BICRAL: variants seen among roughly 807,000 people sequenced by gnomAD.
BICRAL encodes the protein BICRA like chromatin remodeling complex associated protein, also known as BRD4-interacting chromatin-remodeling complex-associated protein-like.
Under a neutral mutation model 91.8 loss-of-function variants are expected in BICRAL, and 8 were observed. That is an observed-to-expected ratio of 0.09 (90% CI 0.05 to 0.16). The LOEUF is 0.16. Among genes scored for constraint, BICRAL ranks in the 10% least tolerant of loss-of-function variants. The pLI is 1.00. For synonymous variants in BICRAL, 445 were observed against 491.1 expected (o/e 0.91, Z 1.24); for missense variants, 1,038 against 1,310.9 (o/e 0.79, Z 3.21).
chr6:42,760,209 G>A (rs1296199987), intron 1 of BICRAL, among the ~76,000 whole-genome samples: 1 of 151,784 alleles, frequency 6.6e-6, no homozygotes, highest in Non-Finnish European at 1.5e-5. Flanking sequence ...GCGGTGAGCT[G>A]AGATTGCACC....
chr6:42,847,877 C>T (rs1765064986), intron 6 of BICRAL, among the ~76,000 whole-genome samples: 1 of 152,110 alleles, frequency 6.6e-6, no homozygotes, highest in African/African-American at 2.4e-5. Flanking sequence ...CGCCTGTAAT[C>T]CCAGCACTTT....
chr6:42,820,456 C>T (rs931215941), intron 2 of BICRAL, among the ~76,000 whole-genome samples: 4 of 152,088 alleles, frequency 2.6e-5, no homozygotes, highest in African/African-American at 9.7e-5. Flanking sequence ...TGCTGATGAG[C>T]CATGGTTAAT....
At chr6:42,784,440 A>G (rs1005380024) in intron 1 of BICRAL, among the ~76,000 whole-genome samples, 1 of 152,222 alleles carries the variant, frequency 6.6e-6, no homozygotes, top group African/African-American at 2.4e-5. Context: ...CCGTGGTGCC[A>G]GTAGGTGTGT....
chr6:42,781,357 G>C (rs1199346214), upstream of BICRAL, among the ~76,000 whole-genome samples: 2 of 152,134 alleles, frequency 1.3e-5, no homozygotes, highest in Non-Finnish European at 2.9e-5. Context: ...AAGGTTTCAA[G>C]AATTTTGGAA....
chr6:42,758,247 G>A (rs972254711), intron 1 of BICRAL, among the ~76,000 whole-genome samples: 2 of 152,016 alleles, frequency 1.3e-5, no homozygotes, highest in Non-Finnish European at 2.9e-5. Context: ...TCTCTATACC[G>A]TAGCCAGTTA....
chr6:42,862,240 A>G (rs1765574759), intron 11 of BICRAL, among the ~76,000 whole-genome samples: 1 of 151,924 alleles, frequency 6.6e-6, no homozygotes, highest in Non-Finnish European at 1.5e-5. Context: ...ATTTCTTTAT[A>G]TATAAATATA....
chr6:42,769,250 C>T (rs1762684499), intron 1 of BICRAL, among the ~76,000 whole-genome samples: 1 of 152,186 alleles, frequency 6.6e-6, no homozygotes, highest in South Asian at 2.1e-4. Flanking sequence ...GGTCTGGCTA[C>T]CAGCAGGATG....
chr6:42,792,123 C>A (rs1356204103), intron 1 of BICRAL, among the ~76,000 whole-genome samples: 1 of 152,160 alleles, frequency 6.6e-6, no homozygotes, highest in African/African-American at 2.4e-5. Flanking sequence ...CTGGGTGAGT[C>A]AGTGAGTGGT....
chr6:42,867,146 C>T lies in BICRAL; in HGVS notation c.*1700C>T, dbSNP rs1433752306. ...TGACCCCCATTGTCATCATGTTGGG[C>T]ATTTCTTTTCCAGATTGGCCTGTGA... is the stretch of plus-strand genomic sequence containing the variant. On this transcript the variant is annotated 3_prime_UTR_variant, in exon 13 of 13. Coordinates refer to ENST00000314073, the MANE Select transcript of BICRAL (RefSeq NM_001393499.1). 1 of 229,656 alleles carries T rather than the reference C, an allele frequency of 4.4e-6. No individual in the cohort carries two copies. The highest frequency in any genetic ancestry group is 8.8e-6 in the Non-Finnish European group (1 of 113,054). 14.2% of individuals were successfully genotyped at this position (229,656 alleles called of 1,614,324 possible).
chr6:42,823,723 A>G (rs1220495746), intron 5 of BICRAL, among the ~76,000 whole-genome samples: 1 of 152,052 alleles, frequency 6.6e-6, no homozygotes, highest in East Asian at 1.9e-4. Context: ...GGAGTTAAAG[A>G]TCAGCCTGGC....
intron 1 of BICRAL, among the ~76,000 whole-genome samples, chr6:42,776,348 T>C (rs1169258326): frequency 6.7e-6 from 1 of 150,134 alleles, no homozygotes; most frequent in South Asian, 2.1e-4. Context: ...TTATTTTTAT[T>C]ATTATTTTTT....
intron 1 of BICRAL, among the ~76,000 whole-genome samples, chr6:42,753,118 G>T (rs1007128398): frequency 1.3e-5 from 2 of 151,232 alleles, no homozygotes; most frequent in Non-Finnish European, 3.0e-5. Flanking sequence ...AGTAGAGACT[G>T]GTTTCACCAT....
At chr6:42,790,215 T>C (rs895657278) in intron 1 of BICRAL, among the ~76,000 whole-genome samples, 2 of 152,028 alleles carry the variant, frequency 1.3e-5, no homozygotes, top group Non-Finnish European at 2.9e-5. Flanking sequence ...TGGAGTGCAG[T>C]GGTACAATTG....
intron 6 of BICRAL, among the ~76,000 whole-genome samples, chr6:42,837,158 G>T (rs536201396): frequency 6.6e-6 from 1 of 151,066 alleles, no homozygotes; most frequent in South Asian, 2.1e-4. Flanking sequence ...TTTTGGCCAG[G>T]CTGGTCTCGA....
intron 1 of BICRAL, among the ~76,000 whole-genome samples, chr6:42,758,135 C>G (rs770094092): frequency 1.3e-5 from 2 of 152,168 alleles, no homozygotes; most frequent in African/African-American, 4.8e-5. Context: ...GCCTGGCTCC[C>G]TCTCTTCAGG....
At chr6:42,831,544 A>G (rs1764477517) in intron 6 of BICRAL, among the ~76,000 whole-genome samples, 1 of 152,118 alleles carries the variant, frequency 6.6e-6, no homozygotes, top group Non-Finnish European at 1.5e-5. Context: ...TCATCTGCTG[A>G]TCCTTCGACG....
chr6:42,851,163 C>T (rs1382652677), intron 6 of BICRAL, among the ~76,000 whole-genome samples: 7 of 151,942 alleles, frequency 4.6e-5, no homozygotes, highest in Non-Finnish European at 1.0e-4. Flanking sequence ...CCAGCCTGGG[C>T]GACAGAGAGA....
chr6:42,809,430 A>ATTTTTTT (rs989054840), intron 1 of BICRAL, among the ~76,000 whole-genome samples: 1 of 111,946 alleles, frequency 8.9e-6, no homozygotes, highest in Non-Finnish European at 1.8e-5. Flanking sequence ...AACTATGAGA[A>ATTTTTTT]TTTTTTTTTT....
intron 6 of BICRAL, among the ~76,000 whole-genome samples, chr6:42,850,831 T>C (rs1765155156): frequency 6.6e-6 from 1 of 151,894 alleles, no homozygotes; most frequent in East Asian, 1.9e-4. Context: ...ATTGCACCAC[T>C]GCACTCCAGC....
Sources: gnomAD v4.1 joint callset for allele counts (sites outside exome capture counted in the v4.1 genomes callset) on GRCh38, gnomAD v4.1.1 for gene constraint, MANE v1.5 for transcripts, NCBI Gene and HGNC (gene_info 2026-07-23, HGNC 2026-07-21) for gene names.